CTBP2: variants seen among roughly 807,000 people sequenced by gnomAD.
CTBP2 encodes the protein C-terminal-binding protein 2.
CTBP2 carries 30 observed loss-of-function variants against 80.3 expected under a neutral mutation model. The observed-to-expected ratio is 0.37, with a 90% CI of 0.28 to 0.51. The LOEUF (loss-of-function observed/expected upper bound fraction) is 0.51. Among genes scored for constraint, CTBP2 ranks in the 20% least tolerant of loss-of-function variants. The pLI, the probability that CTBP2 is intolerant of heterozygous loss-of-function variation, is 0.93. For missense variants in CTBP2, 1,212 were observed against 1,375.3 expected, an observed-to-expected ratio of 0.88 and a Z score of 1.88; for synonymous variants, 594 against 587.4, an observed-to-expected ratio of 1.01 and a Z score of -0.16.
At chr10:125,114,073 G>C (rs1185922688) in intron 1 of CTBP2, among the ~76,000 whole-genome samples, 1 of 152,194 alleles carries the variant, frequency 6.6e-6, no homozygotes, top group Admixed American at 6.5e-5. Flanking sequence ...GTGCCCCGAG[G>C]ATTCACCAGG....
chr10:125,096,334 T>A (rs1302935491), intron 2 of CTBP2, among the ~76,000 whole-genome samples: 3 of 152,044 alleles, frequency 2.0e-5, no homozygotes, highest in Non-Finnish European at 4.4e-5. Flanking sequence ...GGGGAAAAAA[T>A]GTCTCCAAGT....
rs188361974 is a variant in CTBP2, at chr10:125,151,235, G to A, written c.-206+9084C>T. Among the ~76,000 whole-genome samples, 9 of 152,274 alleles carry A rather than the reference G, an allele frequency of 5.9e-5. 1 individual carries two copies. Among genetic ancestry groups the A allele is most frequent in the Middle Eastern group, 3.4e-3 (1 of 294 alleles). On this transcript the variant is annotated intron_variant, in intron 1 of 10. Transcript: ENST00000337195. ...TCCATGGAGAAGACGAGGGCAAGAC[G>A]AAACGGGCCAGATCGCACCGTCCTA...
intron 7 of CTBP2, 105 bp downstream of exon 9, chr10:124,993,097 G>A (rs974657856): frequency 2.7e-5 from 38 of 1,393,402 alleles, no homozygotes; most frequent in Non-Finnish European, 3.7e-5. Flanking sequence ...GATGCTAAAA[G>A]TGAATTCTAC....
intron 1 of CTBP2, among the ~76,000 whole-genome samples, chr10:125,145,145 A>C (rs1858517733): frequency 6.6e-6 from 1 of 152,266 alleles, no homozygotes; most frequent in African/African-American, 2.4e-5. Context: ...CCAAATGTTC[A>C]ATAACTAGAC....
chr10:125,032,483 C>T (rs553105873), upstream of CTBP2, among the ~76,000 whole-genome samples: 23 of 152,278 alleles, frequency 1.5e-4, no homozygotes, highest in Non-Finnish European at 2.2e-4. Flanking sequence ...CCCCATGAAC[C>T]TTTCTCAGTC....
intron 2 of CTBP2, among the ~76,000 whole-genome samples, chr10:125,099,246 T>A (rs1258480379): frequency 2.0e-5 from 3 of 152,172 alleles, no homozygotes; most frequent in Non-Finnish European, 1.5e-5. Context: ...ACCCCCCTTA[T>A]CCATCAATTT....
Position 125,027,418 on chromosome 10 carries a change from C to T in CTBP2, c.342G>A (p.Pro114=), listed in dbSNP as rs767121309. Reference sequence around the variant, plus strand: ...CTTTGGGTACCCTAGCAGCTCCAGACGGATCACTGTAGTACTCCCGTGGCA... The same window carrying T: ...CTTTGGGTACCCTAGCAGCTCCAGATGGATCACTGTAGTACTCCCGTGGCA... The change falls in exon 1 of 9, where the codon CCG becomes CCA. Residue 114 remains proline, a synonymous_variant. Transcript: ENST00000309035. 21 of 1,614,058 alleles carry T rather than the reference C, an allele frequency of 1.3e-5. 1 individual carries two copies. The highest frequency in any genetic ancestry group is 2.2e-5 in the South Asian group (2 of 91,082).
intron 2 of CTBP2, among the ~76,000 whole-genome samples, chr10:125,039,477 T>C (rs1959181997): frequency 6.6e-6 from 1 of 152,356 alleles, no homozygotes; most frequent in African/African-American, 2.4e-5. Context: ...TGAAGTGTAA[T>C]AAATTATATT....
chr10:125,073,198 A>C (rs1362203626), intron 2 of CTBP2, among the ~76,000 whole-genome samples: 3 of 152,238 alleles, frequency 2.0e-5, no homozygotes, highest in Non-Finnish European at 2.9e-5. Context: ...ATGTCCACTT[A>C]GAAGCTCAAA....
chr10:125,141,182 T>C (rs1857750448), intron 1 of CTBP2, among the ~76,000 whole-genome samples: 2 of 151,540 alleles, frequency 1.3e-5, no homozygotes, highest in Non-Finnish European at 2.9e-5. Flanking sequence ...ACAAAAACCA[T>C]GAGGCAATGA....
intron 2 of CTBP2, among the ~76,000 whole-genome samples, chr10:125,085,939 G>A (rs949566116): frequency 4.6e-5 from 7 of 152,136 alleles, no homozygotes; most frequent in African/African-American, 1.2e-4. Context: ...GGCCACAACC[G>A]CACTGGCTCC....
rs1408817016 is a variant in CTBP2, at chr10:125,160,236, C to G, written c.-206+83G>C. 2.0e-5 allele frequency: 3 copies of G among 152,422 alleles called. No individual in the cohort carries two copies. The Admixed American group carries it at 2.0e-4, about 10-fold the overall frequency. The allele number at this position is 152,422 out of a possible 1,614,324, so 9.4% of individuals were successfully genotyped here. On this transcript the variant is annotated intron_variant, in intron 1 of 10. Transcript: ENST00000337195. The stretch of plus-strand genomic sequence containing the variant: ...CTCCTCCCTGAGTGGCGCAGTGAGG[C>G]GCGGGCGCGGCGCCCCCAGCCCGCG...
chr10:125,003,056 T>G lies in CTBP2; in HGVS notation c.1882A>C (p.Thr628Pro). The G allele has an allele frequency of 6.2e-7, 1 of 1,614,024 alleles. No homozygotes were observed. Among genetic ancestry groups the G allele is most frequent in the Non-Finnish European group, 8.5e-7 (1 of 1,180,014 alleles). Residue 628 changes from threonine (T) to proline (P), a missense_variant, in exon 3 of 9, where the codon ACC becomes CCC. Physicochemically the swap from Thr to Pro is conservative, Grantham distance 38. Transcript: ENST00000309035. ...TTGAACTTCTCCAGGTCCTCCCTGG[T>G]GAGGGTGATGGTGTGGTACATCATG...
At chr10:125,040,697 T>C (rs1193706186) in intron 2 of CTBP2, among the ~76,000 whole-genome samples, 1 of 150,450 alleles carries the variant, frequency 6.6e-6, no homozygotes, top group East Asian at 1.9e-4. Flanking sequence ...GCCCAAGGGG[T>C]AGAAATGAGG....
chr10:125,000,602 C>T (rs941209629), intron 3 of CTBP2: 4 of 152,408 alleles, frequency 2.6e-5, no homozygotes, highest in African/African-American at 7.2e-5. Context: ...TGAGCAGCTT[C>T]CTCAAGCCTT....
upstream of CTBP2, chr10:125,160,995 C>T (rs1451120392): frequency 6.7e-6 from 1 of 150,284 alleles, no homozygotes; most frequent in East Asian, 2.0e-4. Flanking sequence ...CTCCCGGTAC[C>T]CGCTGGCTGC....
chr10:125,024,817 G>A (rs944458815), intron 1 of CTBP2, among the ~76,000 whole-genome samples: 1 of 152,282 alleles, frequency 6.6e-6, no homozygotes, highest in East Asian at 1.9e-4. Flanking sequence ...CGTCCCTCCT[G>A]CCGCACATGT....
At chr10:124,993,128 C>T (rs1779236584) in intron 7 of CTBP2, 74 bp downstream of exon 9, 1 of 1,520,484 alleles carries the variant, frequency 6.6e-7, no homozygotes, top group Non-Finnish European at 8.9e-7. Context: ...CTGCCTGTAG[C>T]CAGCAGGACA....
Position 125,026,785 on chromosome 10 carries a change from C to A in CTBP2, c.975G>T (p.Glu325Asp). 6.2e-7 allele frequency: 1 copy of A among 1,613,174 alleles called. No homozygotes were observed. The highest frequency in any genetic ancestry group is 1.1e-5 in the South Asian group (1 of 91,086). The stretch of plus-strand genomic sequence containing the variant: ...GTGCGACAGACTTGATATCCGCGTC[C>A]TCCAGGGTAGCCAGGACGGCCGGGG... The change falls in exon 1 of 9, where the codon GAG (glutamate) becomes GAT (aspartate). Residue 325 changes from glutamate to aspartate, a missense_variant. Glu to Asp is a conservative substitution (Grantham distance 45). Around this residue, in one of 3 missense-constraint regions of CTBP2, gnomAD observed 848 missense variants for 782.3 expected, o/e 1.08. Transcript: ENST00000309035.
Sources: allele counts gnomAD v4.1 joint callset (sites outside exome capture counted in the v4.1 genomes callset), GRCh38; gene constraint gnomAD v4.1.1; regional missense constraint gnomAD v4.1.1; transcripts MANE v1.5; gene names NCBI Gene and HGNC (gene_info 2026-07-23, HGNC 2026-07-21).